Variants in GLG1 observed in about 807,000 individuals in gnomAD.
GLG1 encodes the protein golgi glycoprotein 1.
In GLG1, 38 loss-of-function variants were observed where a neutral mutation model predicts 160.5. The ratio of observed to expected loss-of-function variants is 0.24; its 90% CI spans 0.18 to 0.31. The LOEUF (loss-of-function observed/expected upper bound fraction) is 0.31, where lower values mean the gene tolerates loss of function less well. GLG1 is among the 10% of genes least tolerant of loss of function. GLG1 has a pLI of 1.00. For missense variants in GLG1, 1,373 were observed against 1,505.2 expected (o/e 0.91, Z 1.45); for synonymous variants, 644 against 543.4 (o/e 1.19, Z -2.57).
Position 74,452,984 on chromosome 16 carries a change from G to A in GLG1, c.*183C>T. The A allele has an allele frequency of 2.4e-6, 3 of 1,267,066 alleles. No homozygotes were observed. Among genetic ancestry groups the A allele is most frequent in the African/African-American group, 1.5e-5 (1 of 65,538 alleles). 78.5% of individuals were successfully genotyped at this position (1,267,066 alleles called of 1,614,324 possible). A position where few individuals can be genotyped will look rare whatever the true frequency, so the allele number is the denominator to read the frequency against. On this transcript the variant is annotated 3_prime_UTR_variant, in exon 26 of 26. Coordinates refer to ENST00000422840, the MANE Select transcript of GLG1 (RefSeq NM_001145667.2). ...ACCAGCTGCTGCTGCTGCACGGTGA[G>A]GAGGAGGAGGACACCATGGACACGA...
At chr16:74,597,851 CA>C (rs34802935) in intron 1 of GLG1, among the ~76,000 whole-genome samples, 69,799 of 103,012 alleles carry the variant, frequency 0.68, 21,792 homozygotes, top group East Asian at 0.79. Flanking sequence ...GAGACTGCCT[CA>C]AAAAAAAAAA....
At chr16:74,486,483 T>C (rs1035161411) in intron 8 of GLG1, among the ~76,000 whole-genome samples, 3 of 152,228 alleles carry the variant, frequency 2.0e-5, no homozygotes, top group Non-Finnish European at 2.9e-5. Context: ...CTCAACTATT[T>C]TTCTATAACC....
rs545313380 is a variant in GLG1, at chr16:74,496,765, T to C, written c.775-121A>G. The C allele has an allele frequency of 7.4e-4, 494 of 672,084 alleles. 1 individual carries two copies. The highest frequency in any genetic ancestry group is 2.0e-3 in the South Asian group (110 of 54,968). The allele number at this position is 672,084 out of a possible 1,614,324, so 41.6% of individuals were successfully genotyped here. On this transcript the variant is annotated intron_variant, in intron 4 of 25. Coordinates refer to ENST00000422840, the MANE Select transcript of GLG1 (RefSeq NM_001145667.2). ...ACACACACAAAGTAATAAAACCCCA[T>C]CATAGAGTTGACTTATTAACGTTCT...
At position 74,453,013 on chromosome 16, in the gene GLG1, G is replaced by C; in HGVS notation, c.*154C>G. The C allele has an allele frequency of 7.2e-7, 1 of 1,381,360 alleles. No individual in the cohort carries two copies. The highest frequency in any genetic ancestry group is 2.0e-5 in the South Asian group (1 of 51,156). 85.6% of individuals were successfully genotyped at this position (1,381,360 alleles called of 1,614,324 possible). A position where few individuals can be genotyped will look rare whatever the true frequency, so the allele number is the denominator to read the frequency against. On this transcript the variant is annotated 3_prime_UTR_variant, in exon 26 of 26. Coordinates refer to ENST00000422840, the MANE Select transcript of GLG1 (RefSeq NM_001145667.2). ...GAGGAGGACACCATGGACACGAGTG[G>C]AGGCTGGATGGGACAACGCAGTGGA...
At chr16:74,506,696 A>T (rs184549188) in intron 3 of GLG1, among the ~76,000 whole-genome samples, 2 of 151,658 alleles carry the variant, frequency 1.3e-5, no homozygotes, top group East Asian at 3.9e-4. Context: ...TTTTACTGAA[A>T]CAGAGATGTG....
chr16:74,531,256 GAT>G (rs2017522368), intron 2 of GLG1, among the ~76,000 whole-genome samples: 1 of 152,024 alleles, frequency 6.6e-6, no homozygotes, highest in Non-Finnish European at 1.5e-5. Context: ...TCTATAATGT[GAT>G]AGAGTGACTT....
intron 1 of GLG1, among the ~76,000 whole-genome samples, chr16:74,560,454 C>G (rs1325761116): frequency 2.0e-5 from 3 of 151,720 alleles, no homozygotes; most frequent in African/African-American, 7.3e-5. Flanking sequence ...CAGCCTCCCC[C>G]CGCCGCCCCC....
chr16:74,477,360 A>G, intron 12 of GLG1, 36 bp downstream of exon 12: 1 of 1,519,606 alleles, frequency 6.6e-7, no homozygotes, highest in Non-Finnish European at 9.1e-7. Flanking sequence ...TAACATCATC[A>G]TTATTGTAAG....
At chr16:74,538,347 C>G (rs1385520711) in intron 1 of GLG1, among the ~76,000 whole-genome samples, 1 of 151,866 alleles carries the variant, frequency 6.6e-6, no homozygotes, top group Admixed American at 6.6e-5. Flanking sequence ...TCCCATCACA[C>G]GAACACTTCA....
At position 74,467,871 on chromosome 16, in the gene GLG1, A is replaced by G. The variant is rs1209483410; in HGVS notation, c.2437-23T>C. The G allele has an allele frequency of 4.6e-6, 7 of 1,525,094 alleles. No individual in the cohort carries two copies. The African/African-American group carries it at 8.2e-5, about 18-fold the overall frequency. 94.5% of individuals were successfully genotyped at this position (1,525,094 alleles called of 1,614,324 possible). On this transcript the variant is annotated intron_variant, in intron 17 of 25. Coordinates refer to ENST00000422840, the MANE Select transcript of GLG1 (RefSeq NM_001145667.2). ...CGTCTGCATGAGGGAGCCAGCATGG[A>G]AAGGTGAGCTTGGTTTAGGCTGGAG... is the stretch of plus-strand genomic sequence containing the variant.
intron 1 of GLG1, among the ~76,000 whole-genome samples, chr16:74,604,830 C>A (rs990792407): frequency 6.6e-6 from 1 of 152,174 alleles, no homozygotes; most frequent in African/African-American, 2.4e-5. Flanking sequence ...GCTGGCAGAT[C>A]ACAAGGTCAG....
chr16:74,546,169 T>C (rs2018040902), intron 1 of GLG1, among the ~76,000 whole-genome samples: 6 of 152,196 alleles, frequency 3.9e-5, no homozygotes, highest in African/African-American at 1.4e-4. Flanking sequence ...CAAGGCTTTG[T>C]AGCTCATGCC....
intron 1 of GLG1, among the ~76,000 whole-genome samples, chr16:74,564,123 G>A (rs1323556930): frequency 6.6e-6 from 1 of 152,150 alleles, no homozygotes; most frequent in Non-Finnish European, 1.5e-5. Flanking sequence ...GTCTTGCTAT[G>A]TTGCCTACGC....
chr16:74,560,505 T>C (rs1195082330), intron 1 of GLG1, among the ~76,000 whole-genome samples: 3 of 146,158 alleles, frequency 2.1e-5, no homozygotes, highest in African/African-American at 7.6e-5. Flanking sequence ...CCATCAAGCC[T>C]AGCTAATTTT....
In GLG1 at chr16:74,480,225, G is replaced by A. The variant is rs754614799; in HGVS notation, c.1827+16C>T. 40 of 1,576,774 alleles carry A rather than the reference G, an allele frequency of 2.5e-5. No homozygotes were observed. The Admixed American group carries it at 3.7e-4, about 15-fold the overall frequency. ...AATGACAAGAAGAAGAAATGAAGTC[G>A]ATATTCACTGCATACCCTCCTTCCC... On this transcript the variant is annotated intron_variant, in intron 11 of 25. Coordinates refer to ENST00000422840, the MANE Select transcript of GLG1 (RefSeq NM_001145667.2).
chr16:74,507,877 T>G (rs538044438), intron 3 of GLG1, among the ~76,000 whole-genome samples: 2 of 152,314 alleles, frequency 1.3e-5, no homozygotes, highest in South Asian at 4.1e-4. Context: ...ATTTTAAAGT[T>G]AGAGGTTTAG....
intron 4 of GLG1, among the ~76,000 whole-genome samples, chr16:74,500,700 C>G (rs928960715): frequency 7.9e-5 from 12 of 151,754 alleles, no homozygotes; most frequent in African/African-American, 2.9e-4. Context: ...ATACAGCTAC[C>G]GAGAGAAAAG....
chr16:74,482,928 G>A (rs767647860), intron 10 of GLG1, 95 bp downstream of exon 10: 6 of 763,946 alleles, frequency 7.9e-6, no homozygotes, highest in African/African-American at 1.7e-5. Flanking sequence ...AACAAAAAGA[G>A]TTTCCTACTG....
chr16:74,482,685 T>C (rs1476878467), intron 10 of GLG1, among the ~76,000 whole-genome samples: 1 of 152,212 alleles, frequency 6.6e-6, no homozygotes, highest in African/African-American at 2.4e-5. Flanking sequence ...TGCACTATTA[T>C]CTTCTTAGAG....
Sources: allele counts gnomAD v4.1 joint callset (sites outside exome capture counted in the v4.1 genomes callset), GRCh38; gene constraint gnomAD v4.1.1; transcripts MANE v1.5; gene names NCBI Gene and HGNC (gene_info 2026-07-23, HGNC 2026-07-21).